Variants in ADCY9 observed in about 807,000 individuals in gnomAD.
ADCY9 encodes the protein adenylate cyclase 9, also known as adenylate cyclase type 9.
In ADCY9, 50 loss-of-function variants were observed where a neutral mutation model predicts 101.5. The ratio of observed to expected loss-of-function variants is 0.49; its 90% CI spans 0.39 to 0.62. The LOEUF (loss-of-function observed/expected upper bound fraction) is 0.62, where lower values mean the gene tolerates loss of function less well. Ranked by LOEUF, ADCY9 falls within the 20% of genes least tolerant of loss-of-function variation. The probability of loss-of-function intolerance (pLI) is 0.00; values close to 1 mark genes in which losing one functional copy is unlikely to be tolerated. For missense variants in ADCY9, 1,662 were observed against 1,800.4 expected (o/e 0.92, Z 1.39); for synonymous variants, 905 against 769.3 (o/e 1.18, Z -2.92).
At chr16:4,009,209 C>G (rs1319397088) in intron 2 of ADCY9, among the ~76,000 whole-genome samples, 1 of 152,086 alleles carries the variant, frequency 6.6e-6, no homozygotes, top group Non-Finnish European at 1.5e-5. Context: ...AATCAAAAGA[C>G]TTAGATATTT....
At chr16:4,013,447 A>T (rs1235461750) in intron 2 of ADCY9, among the ~76,000 whole-genome samples, 1 of 152,136 alleles carries the variant, frequency 6.6e-6, no homozygotes, top group Non-Finnish European at 1.5e-5. Flanking sequence ...ATTAAAAGAA[A>T]AAGAAGAAAA....
intron 2 of ADCY9, among the ~76,000 whole-genome samples, chr16:4,050,574 C>T (rs756859396): frequency 5.9e-5 from 9 of 151,640 alleles, no homozygotes; most frequent in South Asian, 2.1e-4. Context: ...ATTAGCCGGA[C>T]GTGGTGGCGC....
At chr16:3,991,629 T>C (rs2056244415) in intron 5 of ADCY9, among the ~76,000 whole-genome samples, 1 of 151,866 alleles carries the variant, frequency 6.6e-6, no homozygotes, top group Non-Finnish European at 1.5e-5. Flanking sequence ...GGCATGGTTG[T>C]GTATGCCTGT....
intron 2 of ADCY9, among the ~76,000 whole-genome samples, chr16:4,083,983 T>C (rs1267779114): frequency 6.6e-6 from 1 of 152,204 alleles, no homozygotes; most frequent in Non-Finnish European, 1.5e-5. Context: ...GTGTGACATG[T>C]GAATTACATC....
At chr16:4,036,906 C>T (rs1415093689) in intron 2 of ADCY9, among the ~76,000 whole-genome samples, 1 of 152,180 alleles carries the variant, frequency 6.6e-6, no homozygotes, top group Non-Finnish European at 1.5e-5. Flanking sequence ...CCCCGCCACT[C>T]ACCCTTCCCA....
rs560594578 is a variant in ADCY9 at position 4,068,107 on chromosome 16, A to C, written c.1693+45643T>G. Reference sequence around the variant, plus strand: ...TTATAATTTAAGCAGTTTAGGAAATAAAAAATGCATAGAACATGATATTCT... The same window carrying C: ...TTATAATTTAAGCAGTTTAGGAAATCAAAAATGCATAGAACATGATATTCT... On this transcript the variant is annotated intron_variant, in intron 2 of 10. Coordinates refer to ENST00000294016, the MANE Select transcript of ADCY9 (RefSeq NM_001116.4). 5.1e-4 allele frequency among the ~76,000 whole-genome samples: 77 copies of C among 152,274 alleles called. 1 individual carries two copies. In the South Asian group the frequency reaches 0.014, roughly 27 times the overall value.
chr16:4,101,834 C>T (rs549048530), intron 2 of ADCY9, among the ~76,000 whole-genome samples: 42 of 152,250 alleles, frequency 2.8e-4, no homozygotes, highest in African/African-American at 9.6e-4. Context: ...CATCGAGGGG[C>T]CCATCATCTT....
intron 2 of ADCY9, among the ~76,000 whole-genome samples, chr16:4,100,040 C>T (rs943648507): frequency 2.0e-5 from 3 of 152,028 alleles, no homozygotes; most frequent in African/African-American, 7.2e-5. Context: ...CCCCATGTGT[C>T]GAGGGAGGGA....
intron 2 of ADCY9, among the ~76,000 whole-genome samples, chr16:4,043,399 C>T (rs951610123): frequency 5.9e-5 from 9 of 151,996 alleles, no homozygotes; most frequent in Non-Finnish European, 1.3e-4. Flanking sequence ...TCTGGCCCGG[C>T]GCGGTGGCTC....
intron 3 of ADCY9, among the ~76,000 whole-genome samples, chr16:3,998,722 A>AG (rs2056306924): frequency 7.0e-6 from 1 of 142,624 alleles, no homozygotes; most frequent in Non-Finnish European, 1.5e-5. Context: ...AAAAAAAAAA[A>AG]AAAAAAAAAA....
chr16:4,083,692 C>G (rs1306751016), intron 2 of ADCY9, among the ~76,000 whole-genome samples: 1 of 152,214 alleles, frequency 6.6e-6, no homozygotes, highest in African/African-American at 2.4e-5. Flanking sequence ...GAAGAAAGCA[C>G]TAATACATGC....
At chr16:4,004,638 C>T (rs141410805) in intron 3 of ADCY9, among the ~76,000 whole-genome samples, 192 of 152,324 alleles carry the variant, frequency 1.3e-3, no homozygotes, top group African/African-American at 4.5e-3. Flanking sequence ...ATGCTCGACA[C>T]TTGGGAAATA....
chr16:3,966,994 G>A (rs935200823), intron 10 of ADCY9, 28 bp from the exon 11 acceptor site: 1 of 1,581,640 alleles, frequency 6.3e-7, no homozygotes, highest in Non-Finnish European at 8.6e-7. Flanking sequence ...GGGAAAGGGA[G>A]AGGTTACTGC....
intron 3 of ADCY9, among the ~76,000 whole-genome samples, chr16:4,003,301 G>T (rs2056343716): frequency 6.6e-6 from 1 of 152,156 alleles, no homozygotes; most frequent in African/African-American, 2.4e-5. Flanking sequence ...CAGAGAGTCA[G>T]TGACTTCCTG....
At chr16:4,108,891 A>G (rs530555033) in intron 2 of ADCY9, among the ~76,000 whole-genome samples, 22 of 151,074 alleles carry the variant, frequency 1.5e-4, no homozygotes, top group African/African-American at 5.1e-4. Flanking sequence ...TTTTTAGTAA[A>G]TATGGGGTTT....
chr16:4,114,169 C>A lies in ADCY9; in HGVS notation c.1274G>T (p.Arg425Leu). The A allele has an allele frequency of 6.2e-7, 1 of 1,613,908 alleles. No homozygotes were observed. The highest frequency in any genetic ancestry group is 8.5e-7 in the Non-Finnish European group (1 of 1,180,044). Reference sequence around the variant, plus strand: ...GGTCTCCTCACACAGGCGGTCGAAGCGACCGAACAGATCGTTCAGGAGACC... The same window carrying A: ...GGTCTCCTCACACAGGCGGTCGAAGAGACCGAACAGATCGTTCAGGAGACC... Reference protein sequence around the residue: ...LVGLLNDLFGRFDRLCEETKC... With the variant: ...LVGLLNDLFGLFDRLCEETKC... Residue 425 changes from arginine to leucine, a missense_variant, in exon 2 of 11, where the codon CGC (arginine) becomes CTC (leucine). Transcript: ENST00000294016. This position sits in a 1 kb window ranked among gnomAD's most constrained non-coding sequence, Gnocchi z 4.3.
intron 2 of ADCY9, among the ~76,000 whole-genome samples, chr16:4,082,985 C>T (rs891712276): frequency 6.6e-5 from 10 of 152,136 alleles, no homozygotes; most frequent in African/African-American, 2.4e-4. Context: ...CTGTGTCATT[C>T]GGAATGGCTG....
chr16:4,093,064 C>T (rs2056983307), intron 2 of ADCY9, among the ~76,000 whole-genome samples: 1 of 152,146 alleles, frequency 6.6e-6, no homozygotes, highest in Non-Finnish European at 1.5e-5. Flanking sequence ...ATAACTGAGT[C>T]ATCAAGAAAA....
At chr16:3,986,382 A>T (rs1259384126) in intron 6 of ADCY9, among the ~76,000 whole-genome samples, 1 of 151,320 alleles carries the variant, frequency 6.6e-6, no homozygotes, top group Non-Finnish European at 1.5e-5. Context: ...ACAGCCTCCC[A>T]CCTGTCATGT....
Sources: gnomAD v4.1 joint callset for allele counts (sites outside exome capture counted in the v4.1 genomes callset) on GRCh38, gnomAD v4.1.1 for gene constraint, Gnocchi (gnomAD v3.1) non-coding constraint, MANE v1.5 for transcripts, NCBI Gene and HGNC (gene_info 2026-07-23, HGNC 2026-07-21) for gene names.